RBFOX2: variants seen among roughly 807,000 people sequenced by gnomAD.
The protein encoded by RBFOX2 is RNA binding fox-1 homolog 2.
RBFOX2 carries 10 observed loss-of-function variants against 49.1 expected under a neutral mutation model. That is an observed-to-expected ratio of 0.20 (90% CI 0.13 to 0.35). RBFOX2 has a LOEUF of 0.35. Ranked by LOEUF, RBFOX2 falls within the 10% of genes least tolerant of loss-of-function variation. RBFOX2 has a pLI of 1.00. For missense variants in RBFOX2, 323 were observed against 486.9 expected, an observed-to-expected ratio of 0.66 and a Z score of 3.17; for synonymous variants, 183 against 187.4, an observed-to-expected ratio of 0.98 and a Z score of 0.19.
intron 1 of RBFOX2, among the ~76,000 whole-genome samples, chr22:35,986,907 T>G (rs1184966192): frequency 6.6e-6 from 1 of 151,910 alleles, no homozygotes; most frequent in Non-Finnish European, 1.5e-5. Context: ...CATTACTCAG[T>G]CACCATAAAC....
At chr22:35,777,352 A>G (rs565904153) in intron 4 of RBFOX2, among the ~76,000 whole-genome samples, 8 of 152,218 alleles carry the variant, frequency 5.3e-5, no homozygotes, top group Non-Finnish European at 1.2e-4. Context: ...TTCAGTTCTT[A>G]TATAGAACAC....
chr22:36,021,576 A>T (rs780401329), intron 1 of RBFOX2, among the ~76,000 whole-genome samples: 18 of 152,094 alleles, frequency 1.2e-4, no homozygotes, highest in Non-Finnish European at 2.2e-4. Context: ...TCAAATAATC[A>T]AAGCAATCTG....
intron 1 of RBFOX2, among the ~76,000 whole-genome samples, chr22:35,889,696 TACCTATC>T (rs2047018273): frequency 6.6e-6 from 1 of 152,176 alleles, no homozygotes. Flanking sequence ...TCAAGTACGG[TACCTATC>T]ACGGCATCTG....
At chr22:35,778,443 C>A (rs910745443) in intron 3 of RBFOX2, among the ~76,000 whole-genome samples, 11 of 152,060 alleles carry the variant, frequency 7.2e-5, no homozygotes, top group African/African-American at 2.7e-4. Flanking sequence ...AAGGCTGTTA[C>A]CCTCCTTTTT....
chr22:35,784,081 G>A (rs1301878349), intron 2 of RBFOX2, among the ~76,000 whole-genome samples: 3 of 152,184 alleles, frequency 2.0e-5, no homozygotes, highest in Non-Finnish European at 4.4e-5. Flanking sequence ...TCCTGCCTGT[G>A]CAGAAAAAGT....
chr22:36,007,197 A>AC (rs2058651398), intron 1 of RBFOX2, among the ~76,000 whole-genome samples: 1 of 152,010 alleles, frequency 6.6e-6, no homozygotes, highest in Non-Finnish European at 1.5e-5. Flanking sequence ...TCTCTTATCT[A>AC]CCCCTCCATA....
rs575510717 is a variant in RBFOX2, at chr22:35,742,042, C to A, written c.*2153G>T. On this transcript the variant is annotated 3_prime_UTR_variant, in exon 12 of 12. Coordinates refer to ENST00000405409, the Ensembl canonical transcript of RBFOX2. ...AAAAGCAAAAGCAAAATCCTCCCTG[C>A]CCCCATTCCCTAGAACTGTGAAAGC... is the stretch of plus-strand genomic sequence containing the variant. The A allele has an allele frequency of 5.3e-5, 8 of 152,306 alleles. No individual in the cohort carries two copies. In the South Asian group the frequency reaches 1.7e-3, roughly 32 times the overall value. The allele number at this position is 152,306 out of a possible 1,614,324, so 9.4% of individuals were successfully genotyped here. A position where few individuals can be genotyped will look rare whatever the true frequency, so the allele number is the denominator to read the frequency against.
chr22:35,999,631 G>C (rs551214417), intron 1 of RBFOX2: 1 of 152,064 alleles, frequency 6.6e-6, no homozygotes, highest in African/African-American at 2.4e-5. Flanking sequence ...AAGAATTTTG[G>C]TTAGGAGATG....
intron 4 of RBFOX2, among the ~76,000 whole-genome samples, chr22:35,775,515 A>G (rs1943658517): frequency 6.6e-6 from 1 of 152,144 alleles, no homozygotes; most frequent in African/African-American, 2.4e-5. Flanking sequence ...AATGAGTTAC[A>G]TGAGAGAAGT....
intron 1 of RBFOX2, among the ~76,000 whole-genome samples, chr22:36,004,542 C>G (rs949322030): frequency 6.6e-6 from 1 of 152,058 alleles, no homozygotes; most frequent in Non-Finnish European, 1.5e-5. Flanking sequence ...ACGCCTATAA[C>G]CCCAGCACTT....
chr22:36,020,116 T>C (rs2059185676), intron 1 of RBFOX2, among the ~76,000 whole-genome samples: 1 of 152,164 alleles, frequency 6.6e-6, no homozygotes, highest in African/African-American at 2.4e-5. Context: ...ACCTGATCTT[T>C]GACAAACCTG....
intron 1 of RBFOX2, among the ~76,000 whole-genome samples, chr22:35,866,735 T>A (rs2043727172): frequency 6.6e-6 from 1 of 152,062 alleles, no homozygotes; most frequent in Non-Finnish European, 1.5e-5. Context: ...GAAAGGCTCC[T>A]CTCAGCCAAA....
At chr22:35,919,177 A>T (rs1386225029) in intron 1 of RBFOX2, among the ~76,000 whole-genome samples, 2 of 152,204 alleles carry the variant, frequency 1.3e-5, no homozygotes, top group Non-Finnish European at 2.9e-5. Flanking sequence ...GAATAGGCAA[A>T]ATCTGTAGAA....
At chr22:35,874,291 CTAGAG>C (rs1050334051) in intron 1 of RBFOX2, among the ~76,000 whole-genome samples, 17 of 151,970 alleles carry the variant, frequency 1.1e-4, no homozygotes, top group African/African-American at 4.1e-4. Flanking sequence ...AGCAATTTAC[CTAGAG>C]TAAGTTTAAT....
At chr22:35,864,164 AT>A (rs1207247457) in intron 1 of RBFOX2, among the ~76,000 whole-genome samples, 1 of 152,238 alleles carries the variant, frequency 6.6e-6, no homozygotes, top group African/African-American at 2.4e-5. Context: ...CTTGGAAAAA[AT>A]AAAGTACAGC....
chr22:36,015,965 T>C (rs868298656), intron 1 of RBFOX2, among the ~76,000 whole-genome samples: 8 of 152,184 alleles, frequency 5.3e-5, no homozygotes, highest in South Asian at 2.1e-4. Context: ...GGGCTAACTA[T>C]GTAGCTGCTT....
intron 1 of RBFOX2, among the ~76,000 whole-genome samples, chr22:35,851,830 CAAAA>C (rs767671559): frequency 8.8e-6 from 1 of 113,172 alleles, no homozygotes; most frequent in Non-Finnish European, 1.9e-5. Flanking sequence ...AACTCCATCT[CAAAA>C]AAAAAAAAAA....
At chr22:35,896,064 C>T (rs903224002) in intron 1 of RBFOX2, among the ~76,000 whole-genome samples, 3 of 152,146 alleles carry the variant, frequency 2.0e-5, no homozygotes, top group Non-Finnish European at 2.9e-5. Flanking sequence ...TTCCTTGCTT[C>T]CCCGACCCCT....
intron 1 of RBFOX2, among the ~76,000 whole-genome samples, chr22:35,896,481 C>A (rs1316169788): frequency 6.6e-6 from 1 of 152,188 alleles, no homozygotes; most frequent in Non-Finnish European, 1.5e-5. Flanking sequence ...CTTATAAAAT[C>A]TCCAAGTAAG....
Sources: gnomAD v4.1 joint callset for allele counts (sites outside exome capture counted in the v4.1 genomes callset) on GRCh38, gnomAD v4.1.1 for gene constraint, MANE v1.5 for transcripts, NCBI Gene and HGNC (gene_info 2026-07-23, HGNC 2026-07-21) for gene names.